The following INTS9 variants were observed in gnomAD, a reference collection of about 807,000 sequenced individuals.
INTS9 encodes integrator complex subunit 9.
Under a neutral mutation model 79.7 loss-of-function variants are expected in INTS9, and 55 were observed. The ratio of observed to expected loss-of-function variants is 0.69; its 90% CI spans 0.56 to 0.86. The LOEUF (loss-of-function observed/expected upper bound fraction) is 0.86. Among genes scored for constraint, INTS9 ranks in the 40% least tolerant of loss-of-function variants. The pLI is 0.00. For missense variants in INTS9, 721 were observed against 831.5 expected (o/e 0.87, Z 1.64); for synonymous variants, 319 against 325.2 (o/e 0.98, Z 0.20).
In INTS9 at chr8:28,846,818, A is replaced by G. The variant is rs1807543937; in HGVS notation, c.199-9T>C. On this transcript the variant is annotated splice_polypyrimidine_tract_variant and intron_variant, in intron 3 of 16. Coordinates refer to ENST00000521022, the MANE Select transcript of INTS9 (RefSeq NM_018250.4). ...GAGCACTCCTTTAGCTCCTAAAAGA[A>G]ATGAAAAGGAAAAATACAAGGAAGA... 1 of 1,607,162 alleles carries G rather than the reference A, an allele frequency of 6.2e-7. No homozygotes were observed. The highest frequency in any genetic ancestry group is 8.5e-7 in the Non-Finnish European group (1 of 1,173,862).
chr8:28,837,629 CCT>C lies in INTS9; in HGVS notation c.401+6_401+7del. 1 of 1,611,700 alleles carries C rather than the reference CCT, an allele frequency of 6.2e-7. No individual in the cohort carries two copies. Among genetic ancestry groups the C allele is most frequent in the Non-Finnish European group, 8.5e-7 (1 of 1,179,468 alleles). On this transcript the variant is annotated splice_donor_region_variant and intron_variant, in intron 5 of 16. Coordinates refer to ENST00000521022, the MANE Select transcript of INTS9 (RefSeq NM_018250.4). ...ACATCCTAGCAGGGTCAGAATCAAC[CCT>C]CTCACCTGCCGATCTGGACGGTGGG...
At chr8:28,856,925 C>T (rs368252524) in intron 2 of INTS9, among the ~76,000 whole-genome samples, 6 of 152,238 alleles carry the variant, frequency 3.9e-5, no homozygotes, top group East Asian at 1.9e-4. Context: ...TTTATGTCCA[C>T]GTGAACCCAA....
At position 28,837,631 on chromosome 8, in the gene INTS9, T is replaced by G. The variant is rs1367468670; in HGVS notation, c.401+6A>C. 1 of 1,611,902 alleles carries G rather than the reference T, an allele frequency of 6.2e-7. No individual in the cohort carries two copies. Among genetic ancestry groups the G allele is most frequent in the South Asian group, 1.1e-5 (1 of 90,904 alleles). ...ATCCTAGCAGGGTCAGAATCAACCC[T>G]CTCACCTGCCGATCTGGACGGTGGG... On this transcript the variant is annotated splice_donor_region_variant and intron_variant, in intron 5 of 16. Transcript: ENST00000521022.
intron 12 of INTS9, among the ~76,000 whole-genome samples, chr8:28,778,197 T>G (rs1290423024): frequency 6.6e-6 from 1 of 151,930 alleles, no homozygotes; most frequent in Non-Finnish European, 1.5e-5. Flanking sequence ...AATACATATG[T>G]GGGGGAGAAA....
rs529140500 is a variant in INTS9, at chr8:28,841,724, C to T, written c.262-3948G>A. Among the ~76,000 whole-genome samples the T allele has an allele frequency of 3.8e-4, 58 of 152,230 alleles. 1 individual carries two copies. Among genetic ancestry groups the T allele is most frequent in the Non-Finnish European group, 1.5e-5 (1 of 68,022 alleles). ...TCCTGAATAACATATTTAACACATA[C>T]TTTGCATATATACTATATATGGTAT... On this transcript the variant is annotated intron_variant, in intron 4 of 16. Coordinates refer to ENST00000521022, the MANE Select transcript of INTS9 (RefSeq NM_018250.4).
At chr8:28,881,326 A>G (rs1289736899) in intron 1 of INTS9, among the ~76,000 whole-genome samples, 10 of 115,884 alleles carry the variant, frequency 8.6e-5, no homozygotes, top group African/African-American at 1.7e-4. Flanking sequence ...CCGCCTGGCC[A>G]GCCGCCCCGT....
intron 11 of INTS9, among the ~76,000 whole-genome samples, chr8:28,786,195 T>A (rs1323314961): frequency 6.6e-6 from 1 of 152,262 alleles, no homozygotes. Context: ...TTCACAGTGA[T>A]GTAAGGGACT....
chr8:28,809,713 C>T (rs893636676), intron 8 of INTS9, among the ~76,000 whole-genome samples: 17 of 152,168 alleles, frequency 1.1e-4, no homozygotes, highest in Non-Finnish European at 1.9e-4. Flanking sequence ...ATATCAGGAA[C>T]GATAGAAGCT....
At chr8:28,861,294 A>G (rs988902907) in intron 1 of INTS9, among the ~76,000 whole-genome samples, 6 of 152,188 alleles carry the variant, frequency 3.9e-5, no homozygotes, top group African/African-American at 1.4e-4. Context: ...CTGGTTCCCT[A>G]TTGCTACTTG....
intron 1 of INTS9, among the ~76,000 whole-genome samples, chr8:28,874,848 T>C (rs1191903270): frequency 6.6e-6 from 1 of 152,234 alleles, no homozygotes; most frequent in African/African-American, 2.4e-5. Context: ...CATGAGTAGC[T>C]GTATTAGTCC....
chr8:28,823,839 C>T (rs534514794), intron 6 of INTS9, among the ~76,000 whole-genome samples: 2 of 152,274 alleles, frequency 1.3e-5, no homozygotes, highest in Non-Finnish European at 2.9e-5. Flanking sequence ...TGCATTTATA[C>T]AGCCATAATA....
intron 6 of INTS9, among the ~76,000 whole-genome samples, chr8:28,825,212 C>T (rs533677086): frequency 5.9e-5 from 9 of 152,318 alleles, no homozygotes; most frequent in East Asian, 1.9e-4. Context: ...ACTCTGGGCC[C>T]GGTAGGAGCC....
intron 5 of INTS9, among the ~76,000 whole-genome samples, chr8:28,837,032 C>T (rs907133): frequency 0.87 from 133,028 of 152,154 alleles, 58,236 homozygotes; most frequent in East Asian, 0.93. Context: ...GATACTATTG[C>T]TACTTGTGGT....
intron 11 of INTS9, among the ~76,000 whole-genome samples, chr8:28,786,118 T>C (rs540326511): frequency 6.6e-6 from 1 of 152,292 alleles, no homozygotes; most frequent in South Asian, 2.1e-4. Flanking sequence ...CTCTTTTATA[T>C]CTGGATCTTT....
chr8:28,853,232 G>A (rs1807946629), intron 2 of INTS9, among the ~76,000 whole-genome samples: 1 of 151,986 alleles, frequency 6.6e-6, no homozygotes, highest in Admixed American at 6.5e-5. Flanking sequence ...TGGCCAACAT[G>A]GTGAAACCCT....
Position 28,770,001 on chromosome 8 carries a change from G to C in INTS9, c.1688C>G (p.Thr563Arg), listed in dbSNP as rs762752506. 24 of 1,613,988 alleles carry C rather than the reference G, an allele frequency of 1.5e-5. No individual in the cohort carries two copies. Among genetic ancestry groups the C allele is most frequent in the Non-Finnish European group, 1.9e-5 (22 of 1,180,054 alleles). The change falls in exon 16 of 17, where the codon ACG (threonine) becomes AGG (arginine). Residue 563 changes from threonine (T) to arginine (R), a missense_variant. By Grantham distance (71) the Thr-to-Arg change is moderately conservative. Transcript: ENST00000521022. Reference sequence around the variant, plus strand: ...CACCCGCTTTCTCTTCTTCCCGCTCGTGGGCTGGGCGGGCCGAGGAGGGGG... The same window carrying C: ...CACCCGCTTTCTCTTCTTCCCGCTCCTGGGCTGGGCGGGCCGAGGAGGGGG... ...LQPPPRPAQP[T>R]SGKKRKRVSD...
At position 28,889,941 on chromosome 8, in the gene INTS9, TC is replaced by T; in HGVS notation, c.-60del. ...AACTCCTCAAACCCAGGAAGCGTCTTCCGGTGCAATCTCCGCCACCTGCCAG... is the reference window on the plus strand; with the variant it reads ...AACTCCTCAAACCCAGGAAGCGTCTTCGGTGCAATCTCCGCCACCTGCCAG... On this transcript the variant is annotated 5_prime_UTR_variant, in exon 1 of 17. Coordinates refer to ENST00000521022, the MANE Select transcript of INTS9 (RefSeq NM_018250.4). 7.0e-7 allele frequency: 1 copy of T among 1,431,436 alleles called. No individual in the cohort carries two copies. The highest frequency in any genetic ancestry group is 9.8e-7 in the Non-Finnish European group (1 of 1,018,408). 88.7% of individuals were successfully genotyped at this position (1,431,436 alleles called of 1,614,324 possible).
At chr8:28,787,492 T>C (rs1803677602) in intron 11 of INTS9, among the ~76,000 whole-genome samples, 1 of 152,166 alleles carries the variant, frequency 6.6e-6, no homozygotes, top group South Asian at 2.1e-4. Flanking sequence ...GGCACCAACA[T>C]GATGCTCAAA....
chr8:28,881,180 T>C (rs1809757935), intron 1 of INTS9, among the ~76,000 whole-genome samples: 1 of 137,894 alleles, frequency 7.3e-6, no homozygotes, highest in African/African-American at 2.8e-5. Flanking sequence ...GAGGGGCGCC[T>C]CTGCCCGGCC....
Sources: gnomAD v4.1 joint callset for allele counts (sites outside exome capture counted in the v4.1 genomes callset) on GRCh38, gnomAD v4.1.1 for gene constraint, MANE v1.5 for transcripts, NCBI Gene and HGNC (gene_info 2026-07-23, HGNC 2026-07-21) for gene names.